The following BNIPL variants were observed in gnomAD, a reference collection of about 807,000 sequenced individuals.
BNIPL encodes bcl-2/adenovirus E1B 19 kDa-interacting protein 2-like protein.
BNIPL carries 33 observed loss-of-function variants against 47.0 expected under a neutral mutation model. The observed-to-expected ratio is 0.70, with a 90% confidence interval of 0.53 to 0.94. The LOEUF (loss-of-function observed/expected upper bound fraction) is 0.94. Ranked by LOEUF, BNIPL falls within the 40% of genes least tolerant of loss-of-function variation. The pLI is 0.00. For synonymous variants in BNIPL, 145 were observed against 162.7 expected (o/e 0.89, Z 0.83); for missense variants, 404 against 445.2 (o/e 0.91, Z 0.83).
At chr1:151,037,939 G>T (rs1300627896) in intron 2 of BNIPL, among the ~76,000 whole-genome samples, 2 of 144,704 alleles carry the variant, frequency 1.4e-5, no homozygotes, top group Non-Finnish European at 3.0e-5. Flanking sequence ...GGCAGAGGTT[G>T]TAGTGAGCTG....
chr1:151,043,502 A>G, intron 6 of BNIPL, 68 bp downstream of exon 6: 1 of 1,556,116 alleles, frequency 6.4e-7, no homozygotes, highest in Non-Finnish European at 8.9e-7. Context: ...GAACTCCTTC[A>G]AAGATCAGTA....
In BNIPL at chr1:151,046,772, C is replaced by G; in HGVS notation, c.*85C>G. ...GAAACATCTGAACTGTTTTGTAAAT[C>G]ATCTTATCCCCAACCTCAGTACCAC... On this transcript the variant is annotated 3_prime_UTR_variant, in exon 10 of 10. Transcript: ENST00000368931. The G allele has an allele frequency of 8.5e-7, 1 of 1,178,956 alleles. No homozygotes were observed. The highest frequency in any genetic ancestry group is 1.2e-6 in the Non-Finnish European group (1 of 816,488). The allele number at this position is 1,178,956 out of a possible 1,614,324, so 73.0% of individuals were successfully genotyped here.
Position 151,047,627 on chromosome 1 carries a change from T to C in BNIPL, c.*940T>C, listed in dbSNP as rs1489145914. The C allele has an allele frequency of 1.5e-6, 1 of 647,748 alleles. No homozygotes were observed. The highest frequency in any genetic ancestry group is 1.9e-5 in the African/African-American group (1 of 53,696). 40.1% of individuals were successfully genotyped at this position (647,748 alleles called of 1,614,324 possible). ...AGTGAACGACTCTTTCACCACCCCT[T>C]GCATCCCAAACCTTCGGTTCTGGCA... On this transcript the variant is annotated 3_prime_UTR_variant, in exon 10 of 10. Transcript: ENST00000368931.
intron 4 of BNIPL, among the ~76,000 whole-genome samples, chr1:151,039,755 T>G (rs184025242): frequency 4.3e-4 from 65 of 152,306 alleles, no homozygotes; most frequent in Admixed American, 4.2e-3. Flanking sequence ...TAAGTTTTTT[T>G]GTTTTTTGTT....
chr1:151,037,714 C>T (rs375068113), intron 2 of BNIPL, 52 bp downstream of exon 2: 821 of 1,475,960 alleles, frequency 5.6e-4, no homozygotes, highest in Admixed American at 1.3e-3. Context: ...CACGAATGGA[C>T]GGAGGGGATG....
At chr1:151,038,381 CA>C (rs1675701657) in intron 2 of BNIPL, 122 bp from the exon 3 acceptor site, 2 of 777,398 alleles carry the variant, frequency 2.6e-6, no homozygotes, top group Admixed American at 2.3e-5. Context: ...CTCAAAAAAA[CA>C]ATTAAAAAAA....
chr1:151,038,488 A>T lies in BNIPL; in HGVS notation c.138-16A>T, dbSNP rs1675705974. On this transcript the variant is annotated splice_polypyrimidine_tract_variant and intron_variant, in intron 2 of 9. Coordinates refer to ENST00000368931, the MANE Select transcript of BNIPL (RefSeq NM_138278.4). ...TGGTGTATATGTCTGCCGCCTTTTA[A>T]TCTCTTCCCCTCTAGATTGCTTCCT... is the stretch of plus-strand genomic sequence containing the variant. The T allele has an allele frequency of 1.9e-6, 3 of 1,600,804 alleles. No homozygotes were observed. Among genetic ancestry groups the T allele is most frequent in the Non-Finnish European group, 1.7e-6 (2 of 1,169,730 alleles).
chr1:151,046,828 C>G lies in BNIPL; in HGVS notation c.*141C>G, dbSNP rs1676044403. 1 of 645,284 alleles carries G rather than the reference C, an allele frequency of 1.5e-6. No individual in the cohort carries two copies. The highest frequency in any genetic ancestry group is 1.9e-5 in the African/African-American group (1 of 53,916). 40.0% of individuals were successfully genotyped at this position (645,284 alleles called of 1,614,324 possible). On this transcript the variant is annotated 3_prime_UTR_variant, in exon 10 of 10. Transcript: ENST00000368931. ...CTTCACTTCTCAGTGGGATTTTGTC[C>G]TTTGCATGACCCTACTTTCAGCAGG...
At position 151,047,715 on chromosome 1, in the gene BNIPL, G is replaced by T. The variant is rs1363015456; in HGVS notation, c.*1028G>T. 2.2e-6 allele frequency: 3 copies of T among 1,393,138 alleles called. No homozygotes were observed. Among genetic ancestry groups the T allele is most frequent in the East Asian group, 5.4e-5 (2 of 37,326 alleles). The allele number at this position is 1,393,138 out of a possible 1,614,324, so 86.3% of individuals were successfully genotyped here. ...GCGGCCCGCGCGAGCGCGCCTGCGC[G>T]TCGAACCCCACCCCCTTCCCCGCGG... On this transcript the variant is annotated 3_prime_UTR_variant, in exon 10 of 10. Coordinates refer to ENST00000368931, the MANE Select transcript of BNIPL (RefSeq NM_138278.4).
intron 1 of BNIPL, 81 bp from the exon 2 acceptor site, chr1:151,037,486 T>C: frequency 6.6e-7 from 1 of 1,524,806 alleles, no homozygotes; most frequent in Non-Finnish European, 8.8e-7. Context: ...CTGCTCTGTA[T>C]CTCAATTACT....
intron 7 of BNIPL, chr1:151,044,808 A>C (rs1296682362): frequency 3.9e-6 from 5 of 1,274,492 alleles, no homozygotes; most frequent in African/African-American, 1.6e-5. Context: ...TGGTTCCCCC[A>C]TCTCCATTTG....
intron 1 of BNIPL, 147 bp downstream of exon 1, chr1:151,036,913 G>T: frequency 4.0e-6 from 3 of 743,664 alleles, no homozygotes; most frequent in Admixed American, 2.3e-5. Flanking sequence ...AGATGAGGGT[G>T]GTTTTAGGTA....
intron 1 of BNIPL, among the ~76,000 whole-genome samples, chr1:151,036,998 T>C (rs1001445208): frequency 1.3e-5 from 2 of 152,160 alleles, no homozygotes; most frequent in Non-Finnish European, 2.9e-5. Context: ...AAAGGAAGTT[T>C]CTGTAATATG....
chr1:151,042,241 T>C (rs1000158756), intron 4 of BNIPL, among the ~76,000 whole-genome samples: 1 of 151,904 alleles, frequency 6.6e-6, no homozygotes, highest in East Asian at 1.9e-4. Context: ...GTTCCATTTT[T>C]TTGTTGTTGT....
chr1:151,038,676 C>G, intron 3 of BNIPL, 108 bp downstream of exon 3: 2 of 1,573,962 alleles, frequency 1.3e-6, no homozygotes, highest in Admixed American at 1.9e-5. Flanking sequence ...CAAATCTCCC[C>G]TGCGTGAGTC....
At chr1:151,043,263 C>G (rs587739039) in intron 5 of BNIPL, 69 bp from the exon 6 acceptor site, 4 of 1,516,138 alleles carry the variant, frequency 2.6e-6, no homozygotes, top group Admixed American at 3.3e-5. Flanking sequence ...AGTCCCTCAA[C>G]TTAAACAGAT....
intron 4 of BNIPL, among the ~76,000 whole-genome samples, chr1:151,041,458 G>C (rs1477735702): frequency 6.6e-6 from 1 of 152,150 alleles, no homozygotes; most frequent in Non-Finnish European, 1.5e-5. Context: ...CACTAGCCAG[G>C]CATGCTGATG....
At chr1:151,037,497 GTTC>G (rs1333922164) in intron 1 of BNIPL, 67 bp from the exon 2 acceptor site, 1 of 1,536,410 alleles carries the variant, frequency 6.5e-7, no homozygotes, top group African/African-American at 1.4e-5. Flanking sequence ...CTCAATTACT[GTTC>G]TTCATTTCAA....
intron 7 of BNIPL, among the ~76,000 whole-genome samples, chr1:151,044,592 G>A (rs1273066222): frequency 1.3e-5 from 2 of 152,024 alleles, no homozygotes; most frequent in African/African-American, 2.4e-5. Flanking sequence ...ACAGGCATGC[G>A]CCACCACCAT....
Sources: allele counts gnomAD v4.1 joint callset (sites outside exome capture counted in the v4.1 genomes callset), GRCh38; gene constraint gnomAD v4.1.1; transcripts MANE v1.5; gene names NCBI Gene and HGNC (gene_info 2026-07-23, HGNC 2026-07-21).